WASHC2C: variants seen among roughly 807,000 people sequenced by gnomAD.
WASHC2C encodes the protein WASH complex subunit 2C, also known as Vaccinia Penetration Factor.
WASHC2C carries 73 observed loss-of-function variants against 142.2 expected under a neutral mutation model. The observed-to-expected ratio is 0.51, with a 90% CI of 0.43 to 0.62. The LOEUF is 0.62. Ranked by LOEUF, WASHC2C falls within the 20% of genes least tolerant of loss-of-function variation. The pLI is 0.00. For missense variants in WASHC2C, 969 were observed against 1,531.7 expected (o/e 0.63, Z 6.13); for synonymous variants, 337 against 565.5 (o/e 0.60, Z 5.73).
At position 45,792,591 on chromosome 10, in the gene WASHC2C, A is replaced by G. The variant is rs1191190342; in HGVS notation, c.*191A>G. The G allele has an allele frequency of 1.5e-6, 1 of 687,168 alleles. No individual in the cohort carries two copies. Among genetic ancestry groups the G allele is most frequent in the Non-Finnish European group, 2.4e-6 (1 of 409,026 alleles). 42.6% of individuals were successfully genotyped at this position (687,168 alleles called of 1,614,324 possible). On this transcript the variant is annotated 3_prime_UTR_variant, in exon 31 of 31. Coordinates refer to ENST00000623400, the MANE Select transcript of WASHC2C (RefSeq NM_001330074.2). ...TTAATACTACAAAACAAAAATAAAT[A>G]TTTCACAGTGGTTGGTTTGTTTTGT...
intron 17 of WASHC2C, among the ~76,000 whole-genome samples, chr10:45,759,778 C>T (rs1239167726): frequency 6.6e-6 from 1 of 152,114 alleles, no homozygotes; most frequent in Non-Finnish European, 1.5e-5. Flanking sequence ...GAGATCACAC[C>T]ATTGCACTCC....
chr10:45,752,906 G>A (rs2053786023), intron 12 of WASHC2C, among the ~76,000 whole-genome samples, 200 bp downstream of exon 12: 2 of 113,300 alleles, frequency 1.8e-5, no homozygotes, highest in African/African-American at 7.7e-5. Context: ...GTTAGGTGAG[G>A]AGAAGATGTG....
At chr10:45,755,475 GC>G (rs1320281060) in intron 15 of WASHC2C, among the ~76,000 whole-genome samples, 20 of 152,318 alleles carry the variant, frequency 1.3e-4, no homozygotes, top group African/African-American at 4.8e-4. Flanking sequence ...CAGGTTGTGT[GC>G]CGGCCATTTA....
Position 45,754,504 on chromosome 10 carries a change from C to G in WASHC2C, c.1199C>G (p.Pro400Arg). ...SVKEESSSSK[P>R]GKKIPAGAVS... ...ATTCTAGAGTCTTCATCATCCAAAC[C>G]TGGAAAGAAAATCCCAGCAGGAGCT... The change falls in exon 14 of 31, where the codon CCT becomes CGT. Residue 400 changes from proline to arginine, a missense_variant. Pro to Arg is a moderately radical substitution (Grantham distance 103). Transcript: ENST00000623400. The G allele has an allele frequency of 6.2e-7, 1 of 1,600,994 alleles. No individual in the cohort carries two copies. The highest frequency in any genetic ancestry group is 8.5e-7 in the Non-Finnish European group (1 of 1,173,824).
At chr10:45,751,704 G>A (rs1554874666) in intron 11 of WASHC2C, 151 bp downstream of exon 11, 3 of 967,648 alleles carry the variant, frequency 3.1e-6, no homozygotes, top group Non-Finnish European at 2.5e-6. Flanking sequence ...TGGGCTGGAC[G>A]CGGTGGCTCA....
intron 11 of WASHC2C, among the ~76,000 whole-genome samples, chr10:45,751,807 T>G (rs1407127353): frequency 1.3e-5 from 2 of 151,868 alleles, no homozygotes; most frequent in Admixed American, 6.6e-5. Flanking sequence ...GAAACCCCAT[T>G]TCTACTAAAA....
intron 21 of WASHC2C, among the ~76,000 whole-genome samples, chr10:45,776,119 T>C (rs2057054967): frequency 6.6e-6 from 1 of 152,218 alleles, no homozygotes; most frequent in Admixed American, 6.5e-5. Context: ...TTCAATGGTT[T>C]TGCACTTTAC....
intron 2 of WASHC2C, among the ~76,000 whole-genome samples, chr10:45,727,754 C>G (rs543572260): frequency 6.6e-6 from 1 of 152,136 alleles, no homozygotes; most frequent in South Asian, 2.1e-4. Flanking sequence ...CGCGACGTTC[C>G]CTTCATGGGG....
intron 3 of WASHC2C, among the ~76,000 whole-genome samples, chr10:45,729,682 A>T (rs1183857304): frequency 1.3e-5 from 2 of 150,748 alleles, no homozygotes; most frequent in Non-Finnish European, 2.9e-5. Context: ...AGAGATGAGG[A>T]TGGAGAGGAA....
intron 19 of WASHC2C, among the ~76,000 whole-genome samples, chr10:45,768,933 T>C (rs1348031481): frequency 6.6e-6 from 1 of 151,866 alleles, no homozygotes; most frequent in Non-Finnish European, 1.5e-5. Context: ...GAGGAGGAAA[T>C]CATGAGAAGC....
At chr10:45,780,691 T>G (rs1554887745) in intron 23 of WASHC2C, among the ~76,000 whole-genome samples, 1 of 151,922 alleles carries the variant, frequency 6.6e-6, no homozygotes, top group Non-Finnish European at 1.5e-5. Context: ...TGAAAACCAA[T>G]TGTAGTTCTG....
At chr10:45,733,878 C>G (rs879998084) in intron 3 of WASHC2C, among the ~76,000 whole-genome samples, 13 of 150,232 alleles carry the variant, frequency 8.7e-5, no homozygotes, top group South Asian at 6.5e-4. Flanking sequence ...AGCCTCTCAA[C>G]GTTTAGCACA....
chr10:45,756,494 T>C (rs1338007171), intron 15 of WASHC2C, among the ~76,000 whole-genome samples: 5 of 152,126 alleles, frequency 3.3e-5, no homozygotes, highest in Non-Finnish European at 2.9e-5. Context: ...GTTAATTCAT[T>C]AGTACATCCT....
intron 3 of WASHC2C, among the ~76,000 whole-genome samples, chr10:45,730,712 C>T (rs1231377674): frequency 3.3e-5 from 5 of 151,488 alleles, no homozygotes; most frequent in African/African-American, 1.2e-4. Flanking sequence ...CTCCGCCTCC[C>T]GGGTTCACGC....
intron 5 of WASHC2C, 57 bp downstream of exon 5, chr10:45,740,303 AT>A: frequency 1.9e-6 from 1 of 521,360 alleles, no homozygotes; most frequent in Non-Finnish European, 3.5e-6. Flanking sequence ...GGCTACTTTA[AT>A]TGGGCACACG....
chr10:45,727,296 C>T lies in WASHC2C; in HGVS notation c.-22C>T. Reference sequence around the variant, plus strand: ...TCGGCCTGTGCTGGCAGCCTCGGAGCCCACCGAGCCGGGCGGCTGGGATGG... The same window carrying T: ...TCGGCCTGTGCTGGCAGCCTCGGAGTCCACCGAGCCGGGCGGCTGGGATGG... On this transcript the variant is annotated 5_prime_UTR_variant, in exon 1 of 31. Transcript: ENST00000623400. The T allele has an allele frequency of 2.6e-6, 4 of 1,561,032 alleles. No individual in the cohort carries two copies. Among genetic ancestry groups the T allele is most frequent in the Non-Finnish European group, 3.5e-6 (4 of 1,154,270 alleles).
At position 45,790,590 on chromosome 10, in the gene WASHC2C, A is replaced by G. The variant is rs1564836787; in HGVS notation, c.3886+57A>G. 4.3e-6 allele frequency: 7 copies of G among 1,611,836 alleles called. No homozygotes were observed. In the Middle Eastern group the frequency reaches 6.8e-4, roughly 156 times the overall value. On this transcript the variant is annotated intron_variant, in intron 30 of 30. Coordinates refer to ENST00000623400, the MANE Select transcript of WASHC2C (RefSeq NM_001330074.2). ...AATTCTTACCTTTCCATCACTTGGT[A>G]TTTTTCCTGCTACCTTTTCTTGGCC...
intron 3 of WASHC2C, 82 bp from the exon 4 acceptor site, chr10:45,737,901 A>G (rs1332709873): frequency 6.2e-7 from 1 of 1,609,434 alleles, no homozygotes; most frequent in Admixed American, 1.7e-5. Flanking sequence ...CTTTGTCCTT[A>G]GTTACTGTGT....
intron 3 of WASHC2C, among the ~76,000 whole-genome samples, chr10:45,735,513 C>T (rs1362981901): frequency 6.6e-6 from 1 of 152,150 alleles, no homozygotes; most frequent in Non-Finnish European, 1.5e-5. Context: ...GTATGAGCCT[C>T]CCAAAGTGCT....
Sources: allele counts gnomAD v4.1 joint callset (sites outside exome capture counted in the v4.1 genomes callset), GRCh38; gene constraint gnomAD v4.1.1; transcripts MANE v1.5; gene names NCBI Gene and HGNC (gene_info 2026-07-23, HGNC 2026-07-21).